PSMD14: variants seen among roughly 807,000 people sequenced by gnomAD.
The protein encoded by PSMD14 is ubiquitin C-terminal hydrolase PSMD14.
In PSMD14, 7 loss-of-function variants were observed where a neutral mutation model predicts 41.2. That is an observed-to-expected ratio of 0.17 (90% CI 0.10 to 0.32). The LOEUF is 0.32. Ranked by LOEUF, PSMD14 falls within the 10% of genes least tolerant of loss-of-function variation. The pLI is 1.00. For missense variants in PSMD14, 139 were observed against 375.6 expected, an observed-to-expected ratio of 0.37 and a Z score of 5.21; for synonymous variants, 114 against 122.3, an observed-to-expected ratio of 0.93 and a Z score of 0.45.
chr2:161,331,227 T>C (rs977122940), intron 3 of PSMD14, among the ~76,000 whole-genome samples: 4 of 152,114 alleles, frequency 2.6e-5, no homozygotes, highest in African/African-American at 9.7e-5. Context: ...TTTCCTGATT[T>C]CTACTGTATA....
At chr2:161,334,669 T>C (rs996609232) in intron 3 of PSMD14, among the ~76,000 whole-genome samples, 9 of 152,246 alleles carry the variant, frequency 5.9e-5, no homozygotes, top group Non-Finnish European at 1.3e-4. Context: ...GATGGAAGAA[T>C]AGAATTTTCC....
intron 1 of PSMD14, among the ~76,000 whole-genome samples, chr2:161,313,878 A>G (rs530454465): frequency 1.5e-4 from 23 of 152,238 alleles, no homozygotes; most frequent in African/African-American, 5.3e-4. Flanking sequence ...GTGTGTGTGT[A>G]TGTGAAAATA....
At chr2:161,325,131 A>G (rs939458878) in intron 3 of PSMD14, among the ~76,000 whole-genome samples, 19 of 152,144 alleles carry the variant, frequency 1.2e-4, no homozygotes, top group Admixed American at 4.6e-4. Flanking sequence ...AGGCCAAACT[A>G]AGGACATATG....
At chr2:161,351,430 T>G (rs1006709788) in intron 3 of PSMD14, among the ~76,000 whole-genome samples, 4 of 152,228 alleles carry the variant, frequency 2.6e-5, no homozygotes, top group Admixed American at 1.3e-4. Flanking sequence ...TATCTCAAAG[T>G]AGCCATATTA....
intron 3 of PSMD14, among the ~76,000 whole-genome samples, chr2:161,337,428 C>A (rs113968401): frequency 6.6e-6 from 1 of 152,146 alleles, no homozygotes; most frequent in Non-Finnish European, 1.5e-5. Flanking sequence ...TTTACATTAA[C>A]CAGTACCACG....
chr2:161,407,551 C>T (rs1160018625), intron 10 of PSMD14: 1 of 152,120 alleles, frequency 6.6e-6, no homozygotes, highest in Non-Finnish European at 1.5e-5. Flanking sequence ...CATCTTTGCT[C>T]ATTTTCAAGT....
At chr2:161,334,626 GAA>G (rs1202334130) in intron 3 of PSMD14, among the ~76,000 whole-genome samples, 1 of 152,254 alleles carries the variant, frequency 6.6e-6, no homozygotes, top group East Asian at 1.9e-4. Context: ...GGAAGTATAA[GAA>G]AGAGAAAATG....
intron 1 of PSMD14, among the ~76,000 whole-genome samples, chr2:161,312,630 A>G (rs1689102936): frequency 6.6e-6 from 1 of 152,228 alleles, no homozygotes; most frequent in Admixed American, 6.5e-5. Flanking sequence ...TTAGGTATAA[A>G]CACTTTATTC....
chr2:161,410,325 G>C (rs1390364343), intron 11 of PSMD14, among the ~76,000 whole-genome samples: 1 of 151,848 alleles, frequency 6.6e-6, no homozygotes, highest in Non-Finnish European at 1.5e-5. Flanking sequence ...AAAAAAAATA[G>C]TGTATTAAAA....
At chr2:161,376,154 T>C (rs1683500223) in intron 7 of PSMD14, among the ~76,000 whole-genome samples, 2 of 149,868 alleles carry the variant, frequency 1.3e-5, no homozygotes, top group African/African-American at 4.9e-5. Flanking sequence ...GGGCATAGAG[T>C]AATAAAGAAC....
At chr2:161,361,237 A>G (rs1476745262) in intron 3 of PSMD14, among the ~76,000 whole-genome samples, 1 of 152,216 alleles carries the variant, frequency 6.6e-6, no homozygotes, top group Non-Finnish European at 1.5e-5. Flanking sequence ...CTAAGAAAAA[A>G]TGAAAAATTA....
chr2:161,333,782 CA>C (rs1379899805), intron 3 of PSMD14, among the ~76,000 whole-genome samples: 1 of 151,184 alleles, frequency 6.6e-6, no homozygotes, highest in East Asian at 1.9e-4. Flanking sequence ...CCTGTAATCC[CA>C]GCACTTTGGG....
chr2:161,323,691 G>C (rs890086354), intron 3 of PSMD14, among the ~76,000 whole-genome samples: 8 of 151,934 alleles, frequency 5.3e-5, no homozygotes, highest in Non-Finnish European at 7.4e-5. Context: ...TATTTGAATA[G>C]TGATAGGCTA....
At chr2:161,342,586 G>A (rs1003958534) in intron 3 of PSMD14, among the ~76,000 whole-genome samples, 3 of 151,414 alleles carry the variant, frequency 2.0e-5, no homozygotes, top group African/African-American at 7.3e-5. Flanking sequence ...CTTGTAGGCA[G>A]CGTGTAGTTA....
intron 8 of PSMD14, among the ~76,000 whole-genome samples, chr2:161,385,885 G>A (rs963502976): frequency 1.3e-5 from 2 of 151,610 alleles, no homozygotes; most frequent in African/African-American, 4.8e-5. Context: ...AGGAGTTTCC[G>A]GTGAAGGATG....
intron 3 of PSMD14, among the ~76,000 whole-genome samples, chr2:161,359,027 G>A (rs1683250838): frequency 6.6e-6 from 1 of 152,138 alleles, no homozygotes; most frequent in Admixed American, 6.5e-5. Flanking sequence ...AATGTGCAGT[G>A]ACACAATCAC....
At chr2:161,385,637 T>G in intron 8 of PSMD14, 66 bp downstream of exon 8, 1 of 901,216 alleles carries the variant, frequency 1.1e-6, no homozygotes, top group South Asian at 1.7e-5. Context: ...ATAAGTAGTC[T>G]TTTTAAGTTC....
rs558544197 is a variant in PSMD14 at position 161,380,285 on chromosome 2, A to T, written c.463-5179A>T. Among the ~76,000 whole-genome samples the T allele has an allele frequency of 3.9e-5, 6 of 152,092 alleles. No individual in the cohort carries two copies. The South Asian group carries it at 1.2e-3, about 32-fold the overall frequency. ...TAAACCTCTACACCATACTGACTAC[A>T]TGCATATGTTGAAAAGTTTTCTGTG... is the stretch of plus-strand genomic sequence containing the variant. On this transcript the variant is annotated intron_variant, in intron 7 of 11. Coordinates refer to ENST00000409682, the MANE Select transcript of PSMD14 (RefSeq NM_005805.6).
intron 11 of PSMD14, 62 bp downstream of exon 11, chr2:161,408,961 CTG>C (rs1683991025): frequency 7.4e-7 from 1 of 1,352,034 alleles, no homozygotes; most frequent in African/African-American, 1.5e-5. Flanking sequence ...AGAGTTAAAA[CTG>C]TTTTAGGGCC....
Sources: allele counts gnomAD v4.1 joint callset (sites outside exome capture counted in the v4.1 genomes callset), GRCh38; gene constraint gnomAD v4.1.1; transcripts MANE v1.5; gene names NCBI Gene and HGNC (gene_info 2026-07-23, HGNC 2026-07-21).